FAM91A1: variants seen among roughly 807,000 people sequenced by gnomAD.
FAM91A1 encodes family with sequence similarity 91 member A1, also known as protein FAM91A1.
A neutral mutation model predicts 113.5 loss-of-function variants in FAM91A1; 41 were observed. The observed-to-expected ratio is 0.36, with a 90% CI of 0.28 to 0.47. The LOEUF is 0.47. Ranked by LOEUF, FAM91A1 falls within the 20% of genes least tolerant of loss-of-function variation. The pLI is 1.00. For missense variants in FAM91A1, 696 were observed against 1,001.2 expected (o/e 0.70, Z 4.11); for synonymous variants, 307 against 347.9 (o/e 0.88, Z 1.31).
chr8:123,768,522 C>T lies in FAM91A1; in HGVS notation c.-181C>T, dbSNP rs1814758261. ...GCCTCCAATCGCTGCTGCTCTTGTA[C>T]TCGGTTGGCCCGGGCGGCGCTGAAC... On this transcript the variant is annotated 5_prime_UTR_variant, in exon 1 of 24. Transcript: ENST00000334705. The T allele has an allele frequency of 1.9e-6, 1 of 529,212 alleles. No homozygotes were observed. The highest frequency in any genetic ancestry group is 2.7e-5 in the South Asian group (1 of 36,744). 32.8% of individuals were successfully genotyped at this position (529,212 alleles called of 1,614,324 possible).
At chr8:123,778,875 G>A in intron 6 of FAM91A1, 103 bp downstream of exon 6, 2 of 758,278 alleles carry the variant, frequency 2.6e-6, no homozygotes, top group Middle Eastern at 4.3e-4. Context: ...TTGTTTTCCT[G>A]AAGAAAAGGA....
chr8:123,785,840 C>CTTTGTCTCAATAAAT, intron 11 of FAM91A1, 99 bp downstream of exon 11: 1 of 705,116 alleles, frequency 1.4e-6, no homozygotes, highest in Non-Finnish European at 2.2e-6. Context: ...TTTATTGAGA[C>CTTTGTCTCAATAAAT]AAAGTCTCTC....
Position 123,777,808 on chromosome 8 carries a change from A to G in FAM91A1, c.368-217A>G, listed in dbSNP as rs187332372. Among the ~76,000 whole-genome samples the G allele has an allele frequency of 4.4e-4, 67 of 152,338 alleles. 1 individual carries two copies. In the East Asian group the frequency reaches 8.7e-3, roughly 20 times the overall value. ...AAATTGGCAGGACTTCTGCTTTTTT[A>G]AAATGTTTTTGTTAGAAGTGTCATC... On this transcript the variant is annotated intron_variant, in intron 4 of 23. Coordinates refer to ENST00000334705, the MANE Select transcript of FAM91A1 (RefSeq NM_144963.4).
At chr8:123,786,437 TTTTAATGTAAGGTCA>T in intron 11 of FAM91A1, 43 bp from the exon 12 acceptor site, 2 of 1,229,972 alleles carry the variant, frequency 1.6e-6, no homozygotes, top group Non-Finnish European at 2.4e-6. Context: ...TCAGTAGATA[TTTTAATGTAAGGTCA>T]TTTATATGAT....
At chr8:123,794,124 G>A (rs957788813) in intron 15 of FAM91A1, among the ~76,000 whole-genome samples, 5 of 152,250 alleles carry the variant, frequency 3.3e-5, no homozygotes, top group South Asian at 4.1e-4. Flanking sequence ...TTTGGCTTTC[G>A]TTATACAGTT....
chr8:123,798,989 A>G (rs893174119), intron 16 of FAM91A1, among the ~76,000 whole-genome samples: 15 of 152,318 alleles, frequency 9.8e-5, no homozygotes, highest in East Asian at 1.9e-4. Flanking sequence ...AACCTCTCCT[A>G]TTCTTTAACA....
At chr8:123,782,648 G>T (rs919364425) in intron 8 of FAM91A1, among the ~76,000 whole-genome samples, 2 of 152,082 alleles carry the variant, frequency 1.3e-5, no homozygotes, top group African/African-American at 4.8e-5. Context: ...AACTTTTGTC[G>T]TATATATTTA....
In FAM91A1 at chr8:123,812,840, A is replaced by T; in HGVS notation, c.*136A>T. 1 of 796,706 alleles carries T rather than the reference A, an allele frequency of 1.3e-6. No homozygotes were observed. Among genetic ancestry groups the T allele is most frequent in the Non-Finnish European group, 1.8e-6 (1 of 541,750 alleles). The allele number at this position is 796,706 out of a possible 1,614,324, so 49.4% of individuals were successfully genotyped here. On this transcript the variant is annotated 3_prime_UTR_variant, in exon 24 of 24. Coordinates refer to ENST00000334705, the MANE Select transcript of FAM91A1 (RefSeq NM_144963.4). ...TAACTAATATTAAAAGTTGGGGAAC[A>T]TATTCATGTTTTCTGAAGTTTTGCT...
intron 15 of FAM91A1, among the ~76,000 whole-genome samples, chr8:123,797,115 A>G (rs1815542057): frequency 6.6e-6 from 1 of 152,154 alleles, no homozygotes; most frequent in Admixed American, 6.5e-5. Context: ...AAGAGCTAAT[A>G]GATAGACACC....
chr8:123,785,963 G>A (rs1815244771), intron 11 of FAM91A1: 1 of 469,320 alleles, frequency 2.1e-6, no homozygotes, highest in African/African-American at 2.0e-5. Flanking sequence ...GACTATAGGT[G>A]TGCACCACCA....
chr8:123,809,280 G>C (rs1246100181), intron 22 of FAM91A1, among the ~76,000 whole-genome samples: 2 of 152,136 alleles, frequency 1.3e-5, no homozygotes, highest in Non-Finnish European at 2.9e-5. Flanking sequence ...TGAGGGTGTG[G>C]TGAAATGGGC....
intron 22 of FAM91A1, among the ~76,000 whole-genome samples, chr8:123,809,772 AAAC>A (rs1365802262): frequency 6.6e-6 from 1 of 152,206 alleles, no homozygotes; most frequent in Non-Finnish European, 1.5e-5. Context: ...TATTCTCTAA[AAAC>A]AAAGTAATAT....
chr8:123,806,028 G>A (rs1368134837), intron 19 of FAM91A1, 52 bp from the exon 20 acceptor site: 1 of 1,451,348 alleles, frequency 6.9e-7, no homozygotes, highest in African/African-American at 1.4e-5. Context: ...TAAGCTGTTG[G>A]CGTTGTGTTA....
Position 123,814,687 on chromosome 8 carries a change from G to C in FAM91A1, c.*1983G>C, listed in dbSNP as rs1816032430. Reference sequence around the variant, plus strand: ...AAGGGTAATCATCTGATTCCGAGCTGAAGACCTCTGGTCCTCTTAAGGAGG... The same window carrying C: ...AAGGGTAATCATCTGATTCCGAGCTCAAGACCTCTGGTCCTCTTAAGGAGG... On this transcript the variant is annotated 3_prime_UTR_variant, in exon 24 of 24. Transcript: ENST00000334705. 6.6e-6 allele frequency: 1 copy of C among 152,484 alleles called. No homozygotes were observed. The allele number at this position is 152,484 out of a possible 1,614,324, so 9.4% of individuals were successfully genotyped here.
At chr8:123,798,264 T>C (rs1815588958) in intron 16 of FAM91A1, 26 bp downstream of exon 16, 1 of 1,611,068 alleles carries the variant, frequency 6.2e-7, no homozygotes, top group South Asian at 1.1e-5. Context: ...GAAGATCCAC[T>C]TGGTAGTGTC....
At chr8:123,795,295 A>C (rs1815484717) in intron 15 of FAM91A1, among the ~76,000 whole-genome samples, 1 of 152,112 alleles carries the variant, frequency 6.6e-6, no homozygotes, top group African/African-American at 2.4e-5. Context: ...GTCCCCACCC[A>C]AATCTCATGT....
At chr8:123,773,174 GA>G (rs1325730913) in intron 1 of FAM91A1, among the ~76,000 whole-genome samples, 2 of 152,196 alleles carry the variant, frequency 1.3e-5, no homozygotes, top group African/African-American at 4.8e-5. Flanking sequence ...AGTTTACTTA[GA>G]TGTGAGTTTC....
At position 123,812,852 on chromosome 8, in the gene FAM91A1, T is replaced by G; in HGVS notation, c.*148T>G. On this transcript the variant is annotated 3_prime_UTR_variant, in exon 24 of 24. Transcript: ENST00000334705. ...AAAGTTGGGGAACATATTCATGTTTTCTGAAGTTTTGCTCATTATTGCACA... is the reference window on the plus strand; with the variant it reads ...AAAGTTGGGGAACATATTCATGTTTGCTGAAGTTTTGCTCATTATTGCACA... 1.3e-6 allele frequency: 1 copy of G among 749,852 alleles called. No homozygotes were observed. The highest frequency in any genetic ancestry group is 3.8e-5 in the Admixed American group (1 of 26,150). 46.4% of individuals were successfully genotyped at this position (749,852 alleles called of 1,614,324 possible).
At chr8:123,777,890 T>G (rs1422142912) in intron 4 of FAM91A1, 135 bp from the exon 5 acceptor site, 1 of 686,414 alleles carries the variant, frequency 1.5e-6, no homozygotes, top group Non-Finnish European at 2.4e-6. Flanking sequence ...GAAGACGTCC[T>G]TTTAATTTGA....
Sources: allele counts gnomAD v4.1 joint callset (sites outside exome capture counted in the v4.1 genomes callset), GRCh38; gene constraint gnomAD v4.1.1; transcripts MANE v1.5; gene names NCBI Gene and HGNC (gene_info 2026-07-23, HGNC 2026-07-21).